Variants in PLCB4 observed in about 807,000 individuals in gnomAD.
The protein encoded by PLCB4 is phospholipase C beta 4.
Under a neutral mutation model 178.8 loss-of-function variants are expected in PLCB4, and 77 were observed. The ratio of observed to expected loss-of-function variants is 0.43; its 90% CI spans 0.36 to 0.52. The LOEUF is 0.52. PLCB4 is among the 20% of genes least tolerant of loss of function. The probability of loss-of-function intolerance (pLI) is 0.00; values close to 1 mark genes in which losing one functional copy is unlikely to be tolerated. For missense variants in PLCB4, 1,024 were observed against 1,453.4 expected, an observed-to-expected ratio of 0.70 and a Z score of 4.80; for synonymous variants, 496 against 490.8, an observed-to-expected ratio of 1.01 and a Z score of -0.14.
At chr20:9,317,507 A>T (rs1165350443) in intron 4 of PLCB4, among the ~76,000 whole-genome samples, 1 of 152,200 alleles carries the variant, frequency 6.6e-6, no homozygotes, top group East Asian at 1.9e-4. Context: ...GGAGGAATGG[A>T]AGCATCTCCC....
At chr20:9,429,708 T>G (rs1046631153) in intron 28 of PLCB4, among the ~76,000 whole-genome samples, 9 of 152,250 alleles carry the variant, frequency 5.9e-5, no homozygotes, top group Non-Finnish European at 1.3e-4. Flanking sequence ...GCACTCTTCG[T>G]ATCTACCTAT....
At chr20:9,203,440 A>G (rs1032536590) in intron 2 of PLCB4, among the ~76,000 whole-genome samples, 1 of 152,168 alleles carries the variant, frequency 6.6e-6, no homozygotes, top group Admixed American at 6.5e-5. Context: ...TCTCTCTGGC[A>G]TTATTCTGGA....
At chr20:9,154,889 C>G (rs1280846584) in intron 2 of PLCB4, among the ~76,000 whole-genome samples, 1 of 98,194 alleles carries the variant, frequency 1.0e-5, no homozygotes, top group Non-Finnish European at 2.1e-5. Context: ...CTTTCCTTCC[C>G]TCCTTCCCTC....
At chr20:9,400,870 G>A (rs1372262376) in intron 19 of PLCB4, among the ~76,000 whole-genome samples, 1 of 152,146 alleles carries the variant, frequency 6.6e-6, no homozygotes, top group Non-Finnish European at 1.5e-5. Context: ...AGGGACACCA[G>A]CTTTATTTGG....
chr20:9,435,769 C>A, intron 29 of PLCB4, 121 bp downstream of exon 29: 1 of 595,568 alleles, frequency 1.7e-6, no homozygotes, highest in Non-Finnish European at 3.0e-6. Context: ...TAAAACTGAG[C>A]TCATCAATTC....
At chr20:9,381,856 A>G (rs527642996) in intron 13 of PLCB4, among the ~76,000 whole-genome samples, 4 of 152,010 alleles carry the variant, frequency 2.6e-5, no homozygotes, top group Non-Finnish European at 4.4e-5. Flanking sequence ...TCTCTCATCT[A>G]TTTCCCAAAC....
intron 12 of PLCB4, among the ~76,000 whole-genome samples, chr20:9,376,477 T>C (rs922620389): frequency 6.6e-6 from 1 of 152,150 alleles, no homozygotes; most frequent in East Asian, 1.9e-4. Context: ...CTATGTCTCT[T>C]AGTCTCATCC....
chr20:9,468,228 A>G (rs1238144454), intron 35 of PLCB4, among the ~76,000 whole-genome samples: 1 of 152,106 alleles, frequency 6.6e-6, no homozygotes, highest in East Asian at 1.9e-4. Flanking sequence ...GCATCCACAT[A>G]GCTTGGGGTC....
intron 17 of PLCB4, 101 bp downstream of exon 17, chr20:9,390,716 ATATT>A (rs1404694969): frequency 1.6e-5 from 9 of 574,222 alleles, no homozygotes; most frequent in Non-Finnish European, 2.8e-5. Context: ...AAAGATCTTC[ATATT>A]TATTTAAATT....
At chr20:9,102,263 G>A (rs2091186112) in intron 2 of PLCB4, among the ~76,000 whole-genome samples, 1 of 152,118 alleles carries the variant, frequency 6.6e-6, no homozygotes, top group Admixed American at 6.6e-5. Context: ...AATGGTTGAT[G>A]GTCTTATTAG....
At chr20:9,298,547 G>C (rs1212982940) in intron 3 of PLCB4, among the ~76,000 whole-genome samples, 1 of 152,122 alleles carries the variant, frequency 6.6e-6, no homozygotes, top group East Asian at 1.9e-4. Context: ...AATCCTGATA[G>C]ATTGAAACCT....
chr20:9,176,075 C>A (rs1404914179), intron 2 of PLCB4, among the ~76,000 whole-genome samples: 16 of 152,142 alleles, frequency 1.1e-4, no homozygotes, highest in Admixed American at 5.9e-4. Context: ...CTTTTAGATT[C>A]TTTTTGCTCT....
At chr20:9,184,379 T>A (rs1293270359) in intron 2 of PLCB4, among the ~76,000 whole-genome samples, 1 of 152,198 alleles carries the variant, frequency 6.6e-6, no homozygotes, top group Non-Finnish European at 1.5e-5. Flanking sequence ...TTTACCTTCA[T>A]AAGCACTTTC....
chr20:9,231,687 A>G (rs1352715948), intron 3 of PLCB4, among the ~76,000 whole-genome samples: 4 of 152,172 alleles, frequency 2.6e-5, no homozygotes, highest in South Asian at 4.1e-4. Context: ...AAAGTTTTAT[A>G]TTTGGAAAGC....
At chr20:9,097,379 G>A (rs1211882451) in intron 2 of PLCB4, among the ~76,000 whole-genome samples, 1 of 151,762 alleles carries the variant, frequency 6.6e-6, no homozygotes, top group Non-Finnish European at 1.5e-5. Context: ...CTGGGAAACC[G>A]CTAGGCATGA....
At chr20:9,072,929 C>T (rs1050395247) in intron 1 of PLCB4, among the ~76,000 whole-genome samples, 1 of 152,096 alleles carries the variant, frequency 6.6e-6, no homozygotes, top group African/African-American at 2.4e-5. Flanking sequence ...CTCTGAACAC[C>T]TCTCTTACTC....
intron 2 of PLCB4, among the ~76,000 whole-genome samples, chr20:9,145,900 A>G (rs2092589758): frequency 6.6e-6 from 1 of 152,092 alleles, no homozygotes; most frequent in Non-Finnish European, 1.5e-5. Context: ...CTCAACTGAT[A>G]CATAAAGGGC....
At chr20:9,107,872 G>A (rs769327074) in intron 2 of PLCB4, among the ~76,000 whole-genome samples, 6 of 152,066 alleles carry the variant, frequency 3.9e-5, no homozygotes, top group Admixed American at 6.6e-5. Context: ...GGAGATTGGG[G>A]GATATTGATT....
chr20:9,434,875 TAAC>T (rs534840516), intron 28 of PLCB4, among the ~76,000 whole-genome samples: 21 of 152,312 alleles, frequency 1.4e-4, no homozygotes, highest in Non-Finnish European at 2.5e-4. Flanking sequence ...GGTTTCAAGT[TAAC>T]AAGAATAATT....
Sources: allele counts gnomAD v4.1 joint callset (sites outside exome capture counted in the v4.1 genomes callset), GRCh38; gene constraint gnomAD v4.1.1; transcripts MANE v1.5; gene names NCBI Gene and HGNC (gene_info 2026-07-23, HGNC 2026-07-21).